The following PTPRM variants were observed in gnomAD, a reference collection of about 807,000 sequenced individuals.
PTPRM encodes receptor-type tyrosine-protein phosphatase mu.
Under a neutral mutation model 186.7 loss-of-function variants are expected in PTPRM, and 47 were observed. The observed-to-expected ratio is 0.25, with a 90% CI of 0.20 to 0.32. The LOEUF (loss-of-function observed/expected upper bound fraction) is 0.32, where lower values mean the gene tolerates loss of function less well. PTPRM is among the 10% of genes least tolerant of loss of function. PTPRM has a pLI of 1.00. For missense variants in PTPRM, 1,494 were observed against 1,865.0 expected, an observed-to-expected ratio of 0.80 and a Z score of 3.66; for synonymous variants, 668 against 674.9, an observed-to-expected ratio of 0.99 and a Z score of 0.16.
chr18:7,744,828 A>T (rs1329589883), intron 1 of PTPRM, among the ~76,000 whole-genome samples: 1 of 152,140 alleles, frequency 6.6e-6, no homozygotes, highest in African/African-American at 2.4e-5. Context: ...ATATTTTCTC[A>T]TAAGAAAAAA....
At chr18:8,247,638 CTT>C (rs1568597730) in intron 15 of PTPRM, among the ~76,000 whole-genome samples, 1 of 152,104 alleles carries the variant, frequency 6.6e-6, no homozygotes, top group African/African-American at 2.4e-5. Flanking sequence ...TAAGAAAAGT[CTT>C]TAAGTGACGA....
intron 21 of PTPRM, among the ~76,000 whole-genome samples, chr18:8,317,732 C>T (rs1002233978): frequency 1.3e-5 from 2 of 152,130 alleles, no homozygotes; most frequent in African/African-American, 2.4e-5. Context: ...TATACTCATG[C>T]TGCCGATGGC....
chr18:8,058,088 T>A (rs1600305568), intron 7 of PTPRM, among the ~76,000 whole-genome samples: 1 of 124,574 alleles, frequency 8.0e-6, no homozygotes, highest in South Asian at 3.0e-4. Context: ...AAAGTGTTCC[T>A]ATTTCTCCAC....
intron 5 of PTPRM, among the ~76,000 whole-genome samples, chr18:7,927,275 G>A (rs1490782850): frequency 1.3e-5 from 2 of 152,146 alleles, no homozygotes; most frequent in East Asian, 3.9e-4. Flanking sequence ...GACAGAATGA[G>A]TGGGAGTAAA....
chr18:8,241,388 T>C (rs2094433439), intron 14 of PTPRM, among the ~76,000 whole-genome samples: 1 of 141,480 alleles, frequency 7.1e-6, no homozygotes, highest in Non-Finnish European at 1.5e-5. Context: ...TGAAAGCAAT[T>C]TGGTGATAAT....
At chr18:7,836,047 A>C (rs1567892076) in intron 2 of PTPRM, among the ~76,000 whole-genome samples, 1 of 152,202 alleles carries the variant, frequency 6.6e-6, no homozygotes, top group South Asian at 2.1e-4. Context: ...ATTTAAATTA[A>C]TGTCGTCACT....
intron 2 of PTPRM, among the ~76,000 whole-genome samples, chr18:7,785,673 T>A (rs2043067295): frequency 6.6e-6 from 1 of 152,212 alleles, no homozygotes. Context: ...TTCCATCAAA[T>A]TGCATTGAAA....
rs149722113 is a variant in PTPRM, at chr18:8,387,077, A to G, written c.4050A>G (p.Gln1350=). 1.5e-5 allele frequency: 24 copies of G among 1,604,842 alleles called. No homozygotes were observed. The Admixed American group carries it at 3.3e-4, about 22-fold the overall frequency. ...IFRIYNAARP[Q]DGYRMVQQFQ... ...TGTTGCCTTGTTCTTCGTAGCCCCA[A>G]GATGGATATCGGATGGTGCAGCAAT... is the stretch of plus-strand genomic sequence containing the variant. The change falls in exon 31 of 33, where the codon CAA becomes CAG. Residue 1350 remains glutamine, a synonymous_variant. Transcript: ENST00000580170.
At chr18:7,977,120 G>A (rs1456186592) in intron 7 of PTPRM, among the ~76,000 whole-genome samples, 2 of 151,730 alleles carry the variant, frequency 1.3e-5, no homozygotes, top group Non-Finnish European at 1.5e-5. Flanking sequence ...ACAGAGTTTC[G>A]CCCTTTTTGC....
At chr18:7,793,974 C>A (rs1279701337) in intron 2 of PTPRM, among the ~76,000 whole-genome samples, 1 of 152,176 alleles carries the variant, frequency 6.6e-6, no homozygotes, top group African/African-American at 2.4e-5. Flanking sequence ...CACTGGCACG[C>A]CTTCGGCCTA....
intron 1 of PTPRM, among the ~76,000 whole-genome samples, chr18:7,589,001 C>T (rs2037054908): frequency 6.6e-6 from 1 of 152,106 alleles, no homozygotes; most frequent in Admixed American, 6.6e-5. Context: ...AGGTGCATAC[C>T]ACCATGCTTG....
chr18:7,769,580 G>C (rs763814938), intron 1 of PTPRM, among the ~76,000 whole-genome samples: 1 of 152,086 alleles, frequency 6.6e-6, no homozygotes, highest in Non-Finnish European at 1.5e-5. Context: ...AAATTTTTTG[G>C]TGGTGGGTGG....
chr18:7,799,608 G>A (rs749510433), intron 2 of PTPRM, among the ~76,000 whole-genome samples: 1 of 151,900 alleles, frequency 6.6e-6, no homozygotes, highest in Non-Finnish European at 1.5e-5. Flanking sequence ...ACCTTTTAAA[G>A]AATATATATA....
intron 7 of PTPRM, among the ~76,000 whole-genome samples, chr18:7,988,013 CAAAAAA>C (rs57611700): frequency 1.8e-4 from 20 of 112,378 alleles, no homozygotes; most frequent in East Asian, 3.1e-4. Context: ...CCTGTGTCTA[CAAAAAA>C]AAAAAAAAAA....
intron 1 of PTPRM, among the ~76,000 whole-genome samples, chr18:7,723,226 A>G (rs558229894): frequency 5.3e-5 from 8 of 152,158 alleles, no homozygotes; most frequent in Non-Finnish European, 1.2e-4. Flanking sequence ...TGGTCAGCCC[A>G]TTCCCAGCGC....
rs1448886244 is a variant in PTPRM at position 8,320,926 on chromosome 18, C to T, written c.2956+1712C>T. ...AGCAGGCCCTACTACATAGAGGTTG[C>T]TGAGGTCTTCAGGAAGCAAGGCTCA... is the stretch of plus-strand genomic sequence containing the variant. On this transcript the variant is annotated intron_variant, in intron 22 of 32. Transcript: ENST00000580170. Among the ~76,000 whole-genome samples the T allele has an allele frequency of 2.0e-5, 3 of 152,182 alleles. No individual in the cohort carries two copies. In the East Asian group the frequency reaches 5.8e-4, roughly 29 times the overall value.
rs1463707186 is a variant in PTPRM at position 8,406,617 on chromosome 18, T to C, written c.*455T>C. The C allele has an allele frequency of 6.2e-6, 1 of 160,308 alleles. No homozygotes were observed. The highest frequency in any genetic ancestry group is 1.4e-5 in the Non-Finnish European group (1 of 72,184). The allele number at this position is 160,308 out of a possible 1,614,324, so 9.9% of individuals were successfully genotyped here. On this transcript the variant is annotated 3_prime_UTR_variant, in exon 33 of 33. Transcript: ENST00000580170. The stretch of plus-strand genomic sequence containing the variant: ...GTACTTTAACATGTTGCATAATATA[T>C]GCTTATGTAGCTTTCCAGGACTAAC...
chr18:7,631,659 A>C (rs1309651050), intron 1 of PTPRM, among the ~76,000 whole-genome samples: 1 of 152,162 alleles, frequency 6.6e-6, no homozygotes, highest in Non-Finnish European at 1.5e-5. Context: ...ATTTTTAAGA[A>C]GTTCATCAGC....
intron 2 of PTPRM, among the ~76,000 whole-genome samples, chr18:7,827,479 T>G (rs1203968391): frequency 6.6e-6 from 1 of 152,192 alleles, no homozygotes; most frequent in Admixed American, 6.5e-5. Context: ...ACTCTCCCAT[T>G]CTCTTGAGAG....
Sources: allele counts gnomAD v4.1 joint callset (sites outside exome capture counted in the v4.1 genomes callset), GRCh38; gene constraint gnomAD v4.1.1; transcripts MANE v1.5; gene names NCBI Gene and HGNC (gene_info 2026-07-23, HGNC 2026-07-21).